CCN6: variants seen among roughly 807,000 people sequenced by gnomAD.
CCN6 encodes the protein CCN family member 6.
Under a neutral mutation model 37.4 loss-of-function variants are expected in CCN6, and 31 were observed. That is an observed-to-expected ratio of 0.83 (90% confidence interval 0.62 to 1.12). CCN6 has a LOEUF of 1.12. Among genes scored for constraint, CCN6 ranks in the 50% most tolerant of loss-of-function variants. The probability of loss-of-function intolerance (pLI) is 0.00; values close to 1 mark genes in which losing one functional copy is unlikely to be tolerated. For synonymous variants in CCN6, 137 were observed against 142.1 expected (o/e 0.96, Z 0.26); for missense variants, 369 against 413.8 (o/e 0.89, Z 0.94).
At chr6:112,066,001 T>G (rs1776685643) in intron 3 of CCN6, among the ~76,000 whole-genome samples, 1 of 152,190 alleles carries the variant, frequency 6.6e-6, no homozygotes, top group South Asian at 2.1e-4. Flanking sequence ...GCCATGGAAA[T>G]GCAGAATACT....
chr6:112,064,760 G>A lies in CCN6; in HGVS notation c.352G>A (p.Val118Ile). ...TTGCTCTTTTCTCTTTTCAGACCTTGTAGCTGTTGGGTGCGAGTTCAACCA... is the reference window on the plus strand; with the variant it reads ...TTGCTCTTTTCTCTTTTCAGACCTTATAGCTGTTGGGTGCGAGTTCAACCA... ...RYETGVCAYL[V>I]AVGCEFNQVH... Residue 118 changes from valine (V) to isoleucine (I), a missense_variant, in exon 3 of 5, where the codon GTA becomes ATA. Coordinates refer to ENST00000368666, the MANE Select transcript of CCN6 (RefSeq NM_198239.2). The A allele has an allele frequency of 6.2e-7, 1 of 1,613,994 alleles. No homozygotes were observed. Among genetic ancestry groups the A allele is most frequent in the Non-Finnish European group, 8.5e-7 (1 of 1,179,918 alleles).
chr6:112,054,029 C>T (rs1488086317), upstream of CCN6: 4 of 509,218 alleles, frequency 7.9e-6, no homozygotes, highest in Non-Finnish European at 1.4e-5. Context: ...TCTCCAGGAA[C>T]AGGTAACACA....
intron 1 of CCN6, among the ~76,000 whole-genome samples, chr6:112,060,555 C>G (rs1348458824): frequency 6.6e-6 from 1 of 151,982 alleles, no homozygotes; most frequent in Non-Finnish European, 1.5e-5. Context: ...TGTTTTTGGT[C>G]ATATTAAATT....
upstream of CCN6, chr6:112,054,072 C>T: frequency 5.0e-6 from 3 of 600,280 alleles, no homozygotes; most frequent in Non-Finnish European, 9.1e-6. Context: ...CTTGCCCTGC[C>T]CTCCTGAGTC....
At chr6:112,056,965 T>A (rs1279328926) in intron 1 of CCN6, among the ~76,000 whole-genome samples, 2 of 152,210 alleles carry the variant, frequency 1.3e-5, no homozygotes, top group African/African-American at 4.8e-5. Context: ...TAATTCAGTA[T>A]GTAATGCTTT....
At chr6:112,064,637 A>G (rs1776623049) in intron 2 of CCN6, 118 bp from the exon 3 acceptor site, 1 of 1,506,168 alleles carries the variant, frequency 6.6e-7, no homozygotes, top group Admixed American at 1.7e-5. Context: ...GGAACCTAAG[A>G]GGTTGAGAGC....
In CCN6 at chr6:112,069,504, T is replaced by C; in HGVS notation, c.949T>C (p.Phe317Leu). 6.2e-7 allele frequency: 1 copy of C among 1,613,792 alleles called. No individual in the cohort carries two copies. The highest frequency in any genetic ancestry group is 8.5e-7 in the Non-Finnish European group (1 of 1,179,836). Residue 317 changes from phenylalanine to leucine, a missense_variant, in exon 5 of 5, where the codon TTT becomes CTT. Phe to Leu is a conservative substitution (Grantham distance 22, BLOSUM62 0). Coordinates refer to ENST00000368666, the MANE Select transcript of CCN6 (RefSeq NM_198239.2). ...PNKSKMITIQ[F>L]DCPNEGSFKW... Reference sequence around the variant, plus strand: ...TAAGTCTAAAATGATTACTATTCAATTTGATTGCCCAAATGAGGGGTCATT... The same window carrying C: ...TAAGTCTAAAATGATTACTATTCAACTTGATTGCCCAAATGAGGGGTCATT...
intron 3 of CCN6, among the ~76,000 whole-genome samples, chr6:112,066,538 T>C (rs1776701882): frequency 6.6e-6 from 1 of 152,212 alleles, no homozygotes; most frequent in Admixed American, 6.5e-5. Flanking sequence ...GAAAATCTCC[T>C]GAAGTGTTCT....
At chr6:112,065,123 G>GT in intron 3 of CCN6, 126 bp downstream of exon 3, 1 of 1,439,904 alleles carries the variant, frequency 6.9e-7, no homozygotes. Context: ...TAGTTTGAGT[G>GT]TATCATTTTA....
chr6:112,060,000 A>G, intron 1 of CCN6: 6 of 1,364,270 alleles, frequency 4.4e-6, no homozygotes, highest in Non-Finnish European at 5.9e-6. Context: ...TAAAGAGAGT[A>G]AAAGAGTGAG....
chr6:112,069,512 C>T lies in CCN6; in HGVS notation c.957C>T (p.Cys319=). 1.2e-6 allele frequency: 2 copies of T among 1,613,620 alleles called. No individual in the cohort carries two copies. Among genetic ancestry groups the T allele is most frequent in the Admixed American group, 1.7e-5 (1 of 59,984 alleles). Reference sequence around the variant, plus strand: ...AAATGATTACTATTCAATTTGATTGCCCAAATGAGGGGTCATTTAAATGGA... The same window carrying T: ...AAATGATTACTATTCAATTTGATTGTCCAAATGAGGGGTCATTTAAATGGA... The part of the protein sequence containing the change: ...KSKMITIQFD[C]PNEGSFKWKM... The change falls in exon 5 of 5, where the codon TGC becomes TGT. Residue 319 remains cysteine, a synonymous_variant. Coordinates refer to ENST00000368666, the MANE Select transcript of CCN6 (RefSeq NM_198239.2).
At chr6:112,060,261 T>C (rs1313757222) in intron 1 of CCN6, among the ~76,000 whole-genome samples, 2 of 152,154 alleles carry the variant, frequency 1.3e-5, no homozygotes, top group African/African-American at 4.8e-5. Context: ...GGATGTCAAG[T>C]GGACAAAGGA....
In CCN6 at chr6:112,064,711, C is replaced by G. The variant is rs371475109; in HGVS notation, c.347-44C>G. On this transcript the variant is annotated intron_variant, in intron 2 of 4. Transcript: ENST00000368666. ...TTATAATTGGAGGTCTAGACTATCA[C>G]AGATCATGGCTTCTTTGGCAATTTT... The G allele has an allele frequency of 1.9e-6, 3 of 1,613,290 alleles. No homozygotes were observed. In the African/African-American group the frequency reaches 4.0e-5, roughly 22 times the overall value.
At chr6:112,055,598 T>G (rs1201587460) in intron 1 of CCN6, among the ~76,000 whole-genome samples, 2 of 152,090 alleles carry the variant, frequency 1.3e-5, no homozygotes, top group Non-Finnish European at 2.9e-5. Flanking sequence ...TTTATTTATT[T>G]ATTTATTTAG....
Position 112,068,226 on chromosome 6 carries a change from T to C in CCN6, c.611T>C (p.Ile204Thr). 1 of 1,610,792 alleles carries C rather than the reference T, an allele frequency of 6.2e-7. No homozygotes were observed. The highest frequency in any genetic ancestry group is 8.5e-7 in the Non-Finnish European group (1 of 1,178,894). ...TMPAYRNLPL[I>T]WKKKCLVQAT... ...TTAGCTTATAGAAATCTCCCACTTATTTGGAAAAAAAAATGTCTTGTGCAA... is the reference window on the plus strand; with the variant it reads ...TTAGCTTATAGAAATCTCCCACTTACTTGGAAAAAAAAATGTCTTGTGCAA... Residue 204 changes from isoleucine to threonine, a missense_variant, in exon 4 of 5, where the codon ATT (isoleucine) becomes ACT (threonine). Coordinates refer to ENST00000368666, the MANE Select transcript of CCN6 (RefSeq NM_198239.2).
At position 112,065,026 on chromosome 6, in the gene CCN6, T is replaced by C. The variant is rs782328939; in HGVS notation, c.589+29T>C. On this transcript the variant is annotated intron_variant, in intron 3 of 4. Coordinates refer to ENST00000368666, the MANE Select transcript of CCN6 (RefSeq NM_198239.2). Reference sequence around the variant, plus strand: ...CTCAGAAGTAGAGCTATTTTTCACGTATGACCTTGGTGGTATTCCTTCATG... The same window carrying C: ...CTCAGAAGTAGAGCTATTTTTCACGCATGACCTTGGTGGTATTCCTTCATG... 21 of 1,613,520 alleles carry C rather than the reference T, an allele frequency of 1.3e-5. No homozygotes were observed. In the South Asian group the frequency reaches 2.2e-4, roughly 17 times the overall value.
At chr6:112,054,764 T>C in intron 1 of CCN6, 1 of 259,248 alleles carries the variant, frequency 3.9e-6, no homozygotes, top group Non-Finnish European at 7.5e-6. Context: ...GAGGCTCAAC[T>C]TTCCATTGCT....
chr6:112,054,691 A>G (rs587677245), intron 1 of CCN6: 18 of 413,072 alleles, frequency 4.4e-5, no homozygotes, highest in African/African-American at 3.5e-4. Flanking sequence ...TTTTTATAGC[A>G]GAGCCTAAGG....
chr6:112,068,294 A>G lies in CCN6; in HGVS notation c.679A>G (p.Ile227Val). The G allele has an allele frequency of 6.2e-7, 1 of 1,613,386 alleles. No individual in the cohort carries two copies. Among genetic ancestry groups the G allele is most frequent in the Non-Finnish European group, 8.5e-7 (1 of 1,179,646 alleles). The change falls in exon 4 of 5, where the codon ATA becomes GTA. Residue 227 changes from isoleucine to valine, a missense_variant. By Grantham distance (29) the Ile-to-Val change is conservative. Coordinates refer to ENST00000368666, the MANE Select transcript of CCN6 (RefSeq NM_198239.2). Reference protein sequence around the residue: ...TPCSRTCGMGISNRVTNENSN... With the variant: ...TPCSRTCGMGVSNRVTNENSN... ...CTGCTCCAGAACATGTGGGATGGGA[A>G]TATCTAACAGGGTGACCAATGAAAA...
Sources: allele counts gnomAD v4.1 joint callset (sites outside exome capture counted in the v4.1 genomes callset), GRCh38; gene constraint gnomAD v4.1.1; transcripts MANE v1.5; gene names NCBI Gene and HGNC (gene_info 2026-07-23, HGNC 2026-07-21).